Variants in PLA2G4E observed in about 807,000 individuals in gnomAD.
PLA2G4E encodes the protein cytosolic phospholipase A2 epsilon.
In PLA2G4E, 84 loss-of-function variants were observed where a neutral mutation model predicts 109.1. The observed-to-expected ratio is 0.77, with a 90% CI of 0.65 to 0.92. PLA2G4E has a LOEUF of 0.92. Among genes scored for constraint, PLA2G4E ranks in the 40% least tolerant of loss-of-function variants. PLA2G4E has a pLI of 0.00. For missense variants in PLA2G4E, 1,057 were observed against 1,076.6 expected (o/e 0.98, Z 0.25); for synonymous variants, 469 against 436.1 (o/e 1.08, Z -0.94).
chr15:41,990,350 C>G (rs373826224), intron 13 of PLA2G4E, 115 bp from the exon 14 acceptor site: 1 of 902,280 alleles, frequency 1.1e-6, no homozygotes, highest in Non-Finnish European at 1.7e-6. Flanking sequence ...CTGAGCTCAC[C>G]GGGCTGCTGT....
intron 18 of PLA2G4E, 51 bp from the exon 19 acceptor site, chr15:41,984,670 G>A: frequency 2.7e-6 from 4 of 1,466,414 alleles, no homozygotes; most frequent in Non-Finnish European, 2.8e-6. Flanking sequence ...TGGGAGTGGA[G>A]GAGAAGCACA....
At chr15:42,040,351 G>A (rs1369229563) in intron 1 of PLA2G4E, among the ~76,000 whole-genome samples, 2 of 151,702 alleles carry the variant, frequency 1.3e-5, no homozygotes, top group Non-Finnish European at 2.9e-5. Flanking sequence ...AAATTATGTT[G>A]AAAAAATAAG....
chr15:42,002,202 T>G (rs2068427081), intron 6 of PLA2G4E, among the ~76,000 whole-genome samples: 1 of 142,506 alleles, frequency 7.0e-6, no homozygotes, highest in Non-Finnish European at 1.5e-5. Flanking sequence ...GAGGCAGAGG[T>G]TGCAGTGATC....
rs115116985 is a variant in PLA2G4E at position 42,018,575 on chromosome 15, T to C, written c.184-4818A>G. On this transcript the variant is annotated intron_variant, in intron 1 of 19. Transcript: ENST00000399518. ...AAGACTTGGAGCTCAAGGCAGGAAC[T>C]GTTTGGCAAACAGTACAGAGGTATA... is the stretch of plus-strand genomic sequence containing the variant. Among the ~76,000 whole-genome samples, 910 of 152,262 alleles carry C rather than the reference T, an allele frequency of 6.0e-3. 5 individuals carry two copies. Among genetic ancestry groups the C allele is most frequent in the African/African-American group, 0.021 (870 of 41,526 alleles).
chr15:42,007,504 G>C (rs1247307427), intron 3 of PLA2G4E, among the ~76,000 whole-genome samples: 1 of 152,134 alleles, frequency 6.6e-6, no homozygotes, highest in Non-Finnish European at 1.5e-5. Flanking sequence ...GGACAAGAGA[G>C]ACCAGGAGAA....
chr15:42,011,414 A>G (rs940070311), intron 2 of PLA2G4E, among the ~76,000 whole-genome samples: 2 of 152,258 alleles, frequency 1.3e-5, no homozygotes, highest in Non-Finnish European at 2.9e-5. Context: ...AGAGGCTGGG[A>G]CAGACACACC....
At position 41,999,984 on chromosome 15, in the gene PLA2G4E, C is replaced by A. The variant is rs201877668; in HGVS notation, c.869G>T (p.Arg290Leu). ...GGGCTGGCTGATGGGGCCCTTCTTGCGAGAGCGGCAGCAAAGCTGGAGGGA... is the reference window on the plus strand; with the variant it reads ...GGGCTGGCTGATGGGGCCCTTCTTGAGAGAGCGGCAGCAAAGCTGGAGGGA... Residue 290 changes from arginine to leucine, a missense_variant, in exon 9 of 20, where the codon CGC becomes CTC. By Grantham distance (102) the Arg-to-Leu change is moderately radical (BLOSUM62 -2). Transcript: ENST00000399518. 9 of 1,609,394 alleles carry A rather than the reference C, an allele frequency of 5.6e-6. No homozygotes were observed. In the South Asian group the frequency reaches 7.8e-5, roughly 14 times the overall value.
intron 2 of PLA2G4E, among the ~76,000 whole-genome samples, chr15:42,008,849 T>C (rs1298450762): frequency 6.6e-6 from 1 of 152,174 alleles, no homozygotes; most frequent in Non-Finnish European, 1.5e-5. Context: ...CTCTCGATGG[T>C]AAAGCTGGCA....
chr15:42,004,054 T>C (rs927252113), intron 5 of PLA2G4E, among the ~76,000 whole-genome samples: 5 of 152,162 alleles, frequency 3.3e-5, no homozygotes, highest in African/African-American at 9.7e-5. Context: ...CTCATGCCTG[T>C]AATCCCAGCA....
chr15:42,016,366 C>T lies in PLA2G4E; in HGVS notation c.184-2609G>A, dbSNP rs555483088. Among the ~76,000 whole-genome samples the T allele has an allele frequency of 1.8e-4, 27 of 151,148 alleles. 2 individuals are homozygous for T. In the South Asian group the frequency reaches 3.3e-3, roughly 19 times the overall value. On this transcript the variant is annotated intron_variant, in intron 1 of 19. Transcript: ENST00000399518. The stretch of plus-strand genomic sequence containing the variant: ...TCTTTTTTCTTTGGAGACGGAGCCT[C>T]ACTCTGTCATATAGGCTGGAATGCA...
At chr15:42,024,290 A>G (rs1361924746) in intron 1 of PLA2G4E, among the ~76,000 whole-genome samples, 2 of 152,198 alleles carry the variant, frequency 1.3e-5, no homozygotes, top group Non-Finnish European at 2.9e-5. Context: ...CTCTTTTGGT[A>G]GAGTTCCTTC....
intron 2 of PLA2G4E, 103 bp downstream of exon 2, chr15:42,013,582 C>G (rs879212145): frequency 9.0e-7 from 1 of 1,113,276 alleles, no homozygotes; most frequent in African/African-American, 1.6e-5. Context: ...CACACGTGCG[C>G]GCGCACACAC....
intron 2 of PLA2G4E, among the ~76,000 whole-genome samples, 179 bp from the exon 3 acceptor site, chr15:42,008,044 G>A (rs1001614281): frequency 6.6e-6 from 1 of 152,232 alleles, no homozygotes; most frequent in Non-Finnish European, 1.5e-5. Context: ...ATTGCAGGCT[G>A]TGGGTCTCGC....
At chr15:41,994,166 T>G (rs2068298827) in intron 12 of PLA2G4E, among the ~76,000 whole-genome samples, 1 of 152,226 alleles carries the variant, frequency 6.6e-6, no homozygotes, top group African/African-American at 2.4e-5. Flanking sequence ...TTTCTCCAGC[T>G]GAAAAATAAT....
At chr15:42,032,213 A>AGGG (rs1889125245) in intron 1 of PLA2G4E, among the ~76,000 whole-genome samples, 1 of 152,200 alleles carries the variant, frequency 6.6e-6, no homozygotes, top group Non-Finnish European at 1.5e-5. Flanking sequence ...TTTGTAAATT[A>AGGG]CCTAGTCTCA....
At chr15:42,043,239 C>G (rs1362669793) in intron 1 of PLA2G4E, among the ~76,000 whole-genome samples, 2 of 152,122 alleles carry the variant, frequency 1.3e-5, no homozygotes, top group East Asian at 3.9e-4. Flanking sequence ...GTGGGAGAGG[C>G]CTTCCGGAGG....
chr15:41,996,816 T>C (rs1318221302), intron 11 of PLA2G4E, among the ~76,000 whole-genome samples: 1 of 152,218 alleles, frequency 6.6e-6, no homozygotes, highest in Non-Finnish European at 1.5e-5. Context: ...CTTAAAATGT[T>C]TTCCTGGCTG....
intron 1 of PLA2G4E, among the ~76,000 whole-genome samples, chr15:42,044,734 T>TG (rs1211583031): frequency 6.6e-6 from 1 of 151,464 alleles, no homozygotes; most frequent in Non-Finnish European, 1.5e-5. Context: ...TGTATACATA[T>TG]GTAACAAACC....
At chr15:42,048,710 C>T (rs944629526) in intron 1 of PLA2G4E, among the ~76,000 whole-genome samples, 15 of 152,172 alleles carry the variant, frequency 9.9e-5, no homozygotes, top group South Asian at 2.1e-4. Context: ...TTGTTTACTC[C>T]GCACATCATT....
Sources: allele counts gnomAD v4.1 joint callset (sites outside exome capture counted in the v4.1 genomes callset), GRCh38; gene constraint gnomAD v4.1.1; transcripts MANE v1.5; gene names NCBI Gene and HGNC (gene_info 2026-07-23, HGNC 2026-07-21).